ASTN2: variants seen among roughly 807,000 people sequenced by gnomAD.
The protein encoded by ASTN2 is astrotactin 2.
In ASTN2, 54 loss-of-function variants were observed where a neutral mutation model predicts 139.8. The ratio of observed to expected loss-of-function variants is 0.39; its 90% CI spans 0.31 to 0.48. ASTN2 has a LOEUF of 0.48. Among genes scored for constraint, ASTN2 ranks in the 20% least tolerant of loss-of-function variants. The pLI, the probability that ASTN2 is intolerant of heterozygous loss-of-function variation, is 0.95. For synonymous variants in ASTN2, 756 were observed against 719.5 expected (o/e 1.05, Z -0.81); for missense variants, 1,565 against 1,725.1 (o/e 0.91, Z 1.64).
intron 4 of ASTN2, among the ~76,000 whole-genome samples, chr9:117,113,343 A>G (rs1232668737): frequency 1.3e-5 from 2 of 152,102 alleles, no homozygotes; most frequent in Admixed American, 1.3e-4. Context: ...ATATCCACCA[A>G]CTGGTTGGCA....
At chr9:117,352,740 G>T (rs1050855672) in intron 1 of ASTN2, among the ~76,000 whole-genome samples, 4 of 152,040 alleles carry the variant, frequency 2.6e-5, no homozygotes, top group South Asian at 2.1e-4. Context: ...TTCATCGCTC[G>T]GCCAAAAGGT....
At chr9:117,155,435 G>T (rs560000464) in intron 3 of ASTN2, among the ~76,000 whole-genome samples, 2 of 152,092 alleles carry the variant, frequency 1.3e-5, no homozygotes, top group South Asian at 4.1e-4. Flanking sequence ...GGGTCTTGAA[G>T]AATGCTCTTA....
intron 16 of ASTN2, among the ~76,000 whole-genome samples, chr9:116,684,235 G>A (rs1448797764): frequency 6.6e-6 from 1 of 152,090 alleles, no homozygotes; most frequent in East Asian, 1.9e-4. Flanking sequence ...GACCCTAAGT[G>A]AAAAATAATT....
intron 12 of ASTN2, among the ~76,000 whole-genome samples, chr9:116,813,148 T>A (rs940751706): frequency 3.3e-5 from 5 of 151,490 alleles, no homozygotes; most frequent in African/African-American, 1.2e-4. Context: ...AAGATCTACA[T>A]GAAACTCTAT....
intron 19 of ASTN2, chr9:116,586,420 A>G (rs1277293269): frequency 6.6e-6 from 1 of 152,248 alleles, no homozygotes; most frequent in Non-Finnish European, 1.5e-5. Context: ...GACTGGATAA[A>G]GAAAATGTAG....
intron 2 of ASTN2, among the ~76,000 whole-genome samples, chr9:117,236,554 C>A (rs1833050584): frequency 6.6e-6 from 1 of 152,206 alleles, no homozygotes. Context: ...CTGTGCTGGA[C>A]TGTAGGGTCC....
chr9:116,508,443 CCAGT>C (rs1278295146), intron 19 of ASTN2, among the ~76,000 whole-genome samples: 2 of 152,054 alleles, frequency 1.3e-5, no homozygotes, highest in African/African-American at 4.8e-5. Flanking sequence ...TTCAACAGGA[CCAGT>C]CAATTTTTTG....
At chr9:116,662,633 C>A (rs918401977) in intron 16 of ASTN2, among the ~76,000 whole-genome samples, 1 of 152,024 alleles carries the variant, frequency 6.6e-6, no homozygotes, top group Non-Finnish European at 1.5e-5. Context: ...CCAAAACATG[C>A]CAGTTCTTGT....
At chr9:116,558,316 CT>C (rs1354043917) in intron 19 of ASTN2, among the ~76,000 whole-genome samples, 1 of 151,934 alleles carries the variant, frequency 6.6e-6, no homozygotes, top group Non-Finnish European at 1.5e-5. Context: ...TTTACATTTT[CT>C]GTCTCTGATT....
chr9:116,456,402 T>TA (rs574548713), intron 20 of ASTN2, among the ~76,000 whole-genome samples: 534 of 151,996 alleles, frequency 3.5e-3, no homozygotes, highest in Non-Finnish European at 4.7e-3. Flanking sequence ...ATTGAAAGAA[T>TA]AAAAAAAATC....
intron 13 of ASTN2, among the ~76,000 whole-genome samples, chr9:116,748,641 A>G (rs189157402): frequency 2.6e-5 from 4 of 152,324 alleles, no homozygotes; most frequent in Admixed American, 6.5e-5. Flanking sequence ...CTAGAATAAG[A>G]GCAGACACAC....
intron 10 of ASTN2, among the ~76,000 whole-genome samples, chr9:116,927,739 G>A (rs1019293384): frequency 2.0e-5 from 3 of 152,168 alleles, no homozygotes; most frequent in African/African-American, 7.2e-5. Flanking sequence ...GGGGCTGGAG[G>A]TGGGGGGAAA....
At chr9:117,385,267 G>A (rs1042125297) in intron 1 of ASTN2, among the ~76,000 whole-genome samples, 1 of 152,094 alleles carries the variant, frequency 6.6e-6, no homozygotes, top group Admixed American at 6.6e-5. Context: ...TAGGATTATA[G>A]GCATAAACCA....
rs74573063 is a variant in ASTN2, at chr9:117,079,350, T to C, written c.1276+16694A>G. The stretch of plus-strand genomic sequence containing the variant: ...CAACCTGAGTGACAGAATGAGACCC[T>C]GTCGAGAGAGAGTGAGAGAGAGACA... On this transcript the variant is annotated intron_variant, in intron 5 of 22. Transcript: ENST00000313400. Among the ~76,000 whole-genome samples, 7 of 152,176 alleles carry C rather than the reference T, an allele frequency of 4.6e-5. No homozygotes were observed. The East Asian group carries it at 1.4e-3, about 30-fold the overall frequency.
intron 2 of ASTN2, among the ~76,000 whole-genome samples, chr9:117,256,579 T>A (rs1249687084): frequency 6.6e-6 from 1 of 152,172 alleles, no homozygotes; most frequent in Non-Finnish European, 1.5e-5. Flanking sequence ...TATAAGCCCA[T>A]GTTCATTTCA....
chr9:116,913,346 C>T (rs895521275), intron 10 of ASTN2, among the ~76,000 whole-genome samples: 2 of 152,248 alleles, frequency 1.3e-5, no homozygotes, highest in African/African-American at 2.4e-5. Context: ...TTTCTAATCT[C>T]TCTCAGCCTC....
rs1463820511 is a variant in ASTN2 at position 116,902,405 on chromosome 9, T to C, written c.1890-38672A>G. On this transcript the variant is annotated intron_variant, in intron 10 of 22. Coordinates refer to ENST00000313400, the MANE Select transcript of ASTN2 (RefSeq NM_001365068.1). ...TGTTTGTGTTTCAAGATGTGTTACATAAAAGTGTAAAGTTTGAAAAATGAA... is the reference window on the plus strand; with the variant it reads ...TGTTTGTGTTTCAAGATGTGTTACACAAAAGTGTAAAGTTTGAAAAATGAA... Among the ~76,000 whole-genome samples the C allele has an allele frequency of 2.0e-5, 3 of 152,348 alleles. No individual in the cohort carries two copies. In the South Asian group the frequency reaches 6.2e-4, roughly 32 times the overall value.
intron 10 of ASTN2, among the ~76,000 whole-genome samples, chr9:116,969,207 A>G (rs900548052): frequency 2.6e-5 from 4 of 152,216 alleles, no homozygotes; most frequent in Non-Finnish European, 5.9e-5. Context: ...GAGAGGCACC[A>G]TAGCTTAGAG....
chr9:116,737,610 C>CGTGTGTGTGT (rs57891581), intron 13 of ASTN2, among the ~76,000 whole-genome samples: 5,509 of 137,236 alleles, frequency 0.04, 157 homozygotes, highest in Middle Eastern at 0.071. Context: ...CATGTGCCAA[C>CGTGTGTGTGT]GTGTGTGTGT....
Sources: gnomAD v4.1 joint callset for allele counts (sites outside exome capture counted in the v4.1 genomes callset) on GRCh38, gnomAD v4.1.1 for gene constraint, MANE v1.5 for transcripts, NCBI Gene and HGNC (gene_info 2026-07-23, HGNC 2026-07-21) for gene names.